DNAJC27: variants seen among roughly 807,000 people sequenced by gnomAD.
DNAJC27 encodes DnaJ heat shock protein family (Hsp40) member C27, also known as dnaJ homolog subfamily C member 27.
Under a neutral mutation model 31.4 loss-of-function variants are expected in DNAJC27, and 25 were observed. That is an observed-to-expected ratio of 0.80 (90% confidence interval 0.58 to 1.11). The LOEUF (loss-of-function observed/expected upper bound fraction) is 1.11, where lower values mean the gene tolerates loss of function less well. Among genes scored for constraint, DNAJC27 ranks in the 50% most tolerant of loss-of-function variants. The pLI is 0.00. For synonymous variants in DNAJC27, 106 were observed against 112.7 expected (o/e 0.94, Z 0.37); for missense variants, 356 against 347.3 (o/e 1.02, Z -0.20).
At position 24,947,599 on chromosome 2, in the gene DNAJC27, G is replaced by C. The variant is rs745572390; in HGVS notation, c.*17C>G. The C allele has an allele frequency of 6.3e-7, 1 of 1,586,764 alleles. No homozygotes were observed. Among genetic ancestry groups the C allele is most frequent in the Non-Finnish European group, 8.6e-7 (1 of 1,159,822 alleles). ...TGTTTGCATTTGAGTCCCACATGTG[G>C]CTTTTTTCTGTACTTTCTACTTGAT... On this transcript the variant is annotated 3_prime_UTR_variant, in exon 7 of 7. Transcript: ENST00000264711.
intron 5 of DNAJC27, among the ~76,000 whole-genome samples, chr2:24,954,764 T>C (rs1366370147): frequency 6.6e-6 from 1 of 152,044 alleles, no homozygotes; most frequent in African/African-American, 2.4e-5. Context: ...GGTGAAACCC[T>C]GTCTCTACTA....
rs2149118716 is a variant in DNAJC27, at chr2:24,946,386, A to G, written c.*1230T>C. On this transcript the variant is annotated 3_prime_UTR_variant, in exon 7 of 7. Transcript: ENST00000264711. ...AGGGAGGAGGCAGTGGCCAGAAGCC[A>G]GGGACTCTAGAGGAGAGAAATGATG... 1 of 152,420 alleles carries G rather than the reference A, an allele frequency of 6.6e-6. No individual in the cohort carries two copies. Among genetic ancestry groups the G allele is most frequent in the Non-Finnish European group, 1.5e-5 (1 of 68,110 alleles). The allele number at this position is 152,420 out of a possible 1,614,324, so 9.4% of individuals were successfully genotyped here.
Position 24,957,810 on chromosome 2 carries a change from C to T in DNAJC27, c.405G>A (p.Lys135=). The T allele has an allele frequency of 6.2e-7, 1 of 1,613,818 alleles. No individual in the cohort carries two copies. The highest frequency in any genetic ancestry group is 8.5e-7 in the Non-Finnish European group (1 of 1,179,794). Residue 135 remains lysine, a splice_region_variant and synonymous_variant, in exon 4 of 7, where the codon AAG becomes AAA. Transcript: ENST00000264711. ...AACACACCATTTCCAGAGGGGTTAC[C>T]TTGTTGGCACAAACTACAAATATAA... ...ENIIFVVCAN[K]IDCTKHRCVD...
At chr2:24,957,193 A>G in intron 4 of DNAJC27, 28 bp from the exon 5 acceptor site, 1 of 1,565,218 alleles carries the variant, frequency 6.4e-7, no homozygotes, top group Non-Finnish European at 8.6e-7. Flanking sequence ...GGGGACAGAG[A>G]GAAGATTACA....
chr2:24,950,086 G>GTA (rs1448446688), intron 6 of DNAJC27, among the ~76,000 whole-genome samples: 1 of 148,190 alleles, frequency 6.7e-6, no homozygotes, highest in Non-Finnish European at 1.5e-5. Context: ...AAACCAAAGA[G>GTA]TATAGCACTG....
rs748235035 is a variant in DNAJC27 at position 24,963,409 on chromosome 2, TAGA to T, written c.233_235del (p.Phe78del). The T allele has an allele frequency of 1.2e-6, 2 of 1,613,280 alleles. No individual in the cohort carries two copies. Among genetic ancestry groups the T allele is most frequent in the Non-Finnish European group, 1.7e-6 (2 of 1,179,408 alleles). On this transcript the variant is annotated inframe_deletion, in exon 3 of 7. Coordinates refer to ENST00000264711, the MANE Select transcript of DNAJC27 (RefSeq NM_016544.3). ...TTGTCAAAAAGGCTTTCTTACCTCA[TAGA>T]AGAAGGGATGTCCAGCCATATCAAA...
At chr2:24,959,522 A>G (rs915735597) in intron 3 of DNAJC27, among the ~76,000 whole-genome samples, 1 of 152,126 alleles carries the variant, frequency 6.6e-6, no homozygotes, top group Non-Finnish European at 1.5e-5. Context: ...TCCTTCTTAA[A>G]CTATTCTCCA....
intron 6 of DNAJC27, 71 bp from the exon 7 acceptor site, chr2:24,947,819 C>G (rs1240945384): frequency 6.5e-7 from 1 of 1,532,112 alleles, no homozygotes; most frequent in Non-Finnish European, 8.9e-7. Flanking sequence ...GCTGTTTGGA[C>G]ACACATAGTA....
chr2:24,946,780 G>A lies in DNAJC27; in HGVS notation c.*836C>T, dbSNP rs1665661755. ...CTGTCTCAGCCTCCTGAGTAGCTGGGACTACAGGCGGATACTACTGCAGCT... is the reference window on the plus strand; with the variant it reads ...CTGTCTCAGCCTCCTGAGTAGCTGGAACTACAGGCGGATACTACTGCAGCT... On this transcript the variant is annotated 3_prime_UTR_variant, in exon 7 of 7. Coordinates refer to ENST00000264711, the MANE Select transcript of DNAJC27 (RefSeq NM_016544.3). The A allele has an allele frequency of 1.3e-5, 2 of 152,346 alleles. No homozygotes were observed. The highest frequency in any genetic ancestry group is 1.9e-4 in the East Asian group (1 of 5,182). The allele number at this position is 152,346 out of a possible 1,614,324, so 9.4% of individuals were successfully genotyped here. A position where few individuals can be genotyped will look rare whatever the true frequency, so the allele number is the denominator to read the frequency against.
At chr2:24,955,257 A>G (rs1665878111) in intron 5 of DNAJC27, among the ~76,000 whole-genome samples, 1 of 152,240 alleles carries the variant, frequency 6.6e-6, no homozygotes, top group Non-Finnish European at 1.5e-5. Flanking sequence ...ACTGAGAACT[A>G]TACTGGGAAC....
At chr2:24,957,412 C>T (rs1390939939) in intron 4 of DNAJC27, among the ~76,000 whole-genome samples, 1 of 152,164 alleles carries the variant, frequency 6.6e-6, no homozygotes, top group Non-Finnish European at 1.5e-5. Flanking sequence ...CTTGGGAAAA[C>T]AGCTGTTACT....
intron 5 of DNAJC27, among the ~76,000 whole-genome samples, chr2:24,956,362 C>T (rs1340764887): frequency 6.6e-6 from 1 of 152,146 alleles, no homozygotes; most frequent in East Asian, 1.9e-4. Context: ...GCCTATTTCC[C>T]TTAAAATTAC....
At position 24,943,776 on chromosome 2, in the gene DNAJC27, A is replaced by C. The variant is rs1362704635; in HGVS notation, c.*3840T>G. On this transcript the variant is annotated 3_prime_UTR_variant, in exon 7 of 7. Transcript: ENST00000264711. ...GAAAATATGTAAATTACCTTGTAAG[A>C]GCAAAGAGTTCATTTATAGACTCTG... 1 of 152,670 alleles carries C rather than the reference A, an allele frequency of 6.6e-6. No individual in the cohort carries two copies. The highest frequency in any genetic ancestry group is 1.5e-5 in the Non-Finnish European group (1 of 68,048). 9.5% of individuals were successfully genotyped at this position (152,670 alleles called of 1,614,324 possible).
At chr2:24,949,847 G>A (rs1665725127) in intron 6 of DNAJC27, among the ~76,000 whole-genome samples, 1 of 151,378 alleles carries the variant, frequency 6.6e-6, no homozygotes, top group Non-Finnish European at 1.5e-5. Context: ...TGACACAGAA[G>A]AATTCAGAAA....
chr2:24,962,415 C>G (rs1666072551), intron 3 of DNAJC27, among the ~76,000 whole-genome samples: 1 of 152,076 alleles, frequency 6.6e-6, no homozygotes, highest in African/African-American at 2.4e-5. Flanking sequence ...GCCACCACAC[C>G]CGGCTGATTT....
At chr2:24,956,126 G>C (rs988343551) in intron 5 of DNAJC27, among the ~76,000 whole-genome samples, 3 of 152,208 alleles carry the variant, frequency 2.0e-5, no homozygotes, top group Non-Finnish European at 4.4e-5. Flanking sequence ...CTTCTAGCAG[G>C]AGGAGTGACA....
chr2:24,967,206 C>A lies in DNAJC27; in HGVS notation c.170+5G>T. 1 of 1,609,948 alleles carries A rather than the reference C, an allele frequency of 6.2e-7. No homozygotes were observed. Among genetic ancestry groups the A allele is most frequent in the Non-Finnish European group, 8.5e-7 (1 of 1,176,498 alleles). ...CTTACAAACCCAGGGAAACAATATA[C>A]TTACTTTGTGACTCCATAGTCAATT... On this transcript the variant is annotated splice_donor_5th_base_variant and intron_variant, in intron 2 of 6. Transcript: ENST00000264711.
Position 24,963,473 on chromosome 2 carries a change from C to T in DNAJC27, c.172G>A (p.Val58Ile). ...TTGATTTCTCTGTCTCTGACGTGTA[C>T]CCTGAAATGTTCAAATGGAAACAAT... Reference protein sequence around the residue: ...TIGIDYGVTKVHVRDREIKVN... With the variant: ...TIGIDYGVTKIHVRDREIKVN... The change falls in exon 3 of 7, where the codon GTA (valine) becomes ATA (isoleucine). Residue 58 changes from valine (V) to isoleucine (I), a missense_variant and splice_region_variant. Val to Ile is a conservative substitution (Grantham distance 29). Coordinates refer to ENST00000264711, the MANE Select transcript of DNAJC27 (RefSeq NM_016544.3). The T allele has an allele frequency of 1.9e-6, 3 of 1,611,812 alleles. No homozygotes were observed. The highest frequency in any genetic ancestry group is 2.5e-6 in the Non-Finnish European group (3 of 1,178,380).
intron 3 of DNAJC27, among the ~76,000 whole-genome samples, chr2:24,959,557 T>A (rs1217842504): frequency 6.6e-6 from 1 of 152,152 alleles, no homozygotes; most frequent in Non-Finnish European, 1.5e-5. Context: ...TCAAATGATG[T>A]TAAAAGTTTC....
Sources: gnomAD v4.1 joint callset for allele counts (sites outside exome capture counted in the v4.1 genomes callset) on GRCh38, gnomAD v4.1.1 for gene constraint, MANE v1.5 for transcripts, NCBI Gene and HGNC (gene_info 2026-07-23, HGNC 2026-07-21) for gene names.